The following PKM variants were observed in gnomAD, a reference collection of about 807,000 sequenced individuals.
PKM encodes pyruvate kinase PKM.
A neutral mutation model predicts 49.8 loss-of-function variants in PKM; 18 were observed. The ratio of observed to expected loss-of-function variants is 0.36; its 90% CI spans 0.25 to 0.54. The LOEUF is 0.54. Among genes scored for constraint, PKM ranks in the 20% least tolerant of loss-of-function variants. The pLI, the probability that PKM is intolerant of heterozygous loss-of-function variation, is 0.89. For synonymous variants in PKM, 239 were observed against 261.8 expected (o/e 0.91, Z 0.84); for missense variants, 508 against 713.8 (o/e 0.71, Z 3.28).
At chr15:72,220,102 A>T (rs2082483652) in intron 1 of PKM, among the ~76,000 whole-genome samples, 1 of 152,220 alleles carries the variant, frequency 6.6e-6, no homozygotes, top group Non-Finnish European at 1.5e-5. Context: ...CTATCAGGTA[A>T]GGATGTGAAC....
At chr15:72,230,720 G>A (rs1203607417) in intron 1 of PKM, among the ~76,000 whole-genome samples, 2 of 152,144 alleles carry the variant, frequency 1.3e-5, no homozygotes, top group South Asian at 2.1e-4. Flanking sequence ...AGGAGGAAGA[G>A]GGGAAAACGA....
chr15:72,199,216 C>A lies in PKM; in HGVS notation c.*434G>T, dbSNP rs2081866791. 1 of 359,956 alleles carries A rather than the reference C, an allele frequency of 2.8e-6. No individual in the cohort carries two copies. The highest frequency in any genetic ancestry group is 5.5e-6 in the Non-Finnish European group (1 of 183,006). 22.3% of individuals were successfully genotyped at this position (359,956 alleles called of 1,614,324 possible). A position where few individuals can be genotyped will look rare whatever the true frequency, so the allele number is the denominator to read the frequency against. ...CTAGAGAAGCAAGTAAGGGCCAGGGCCAGAGTCGGCTTCAATGGAACAACA... is the reference window on the plus strand; with the variant it reads ...CTAGAGAAGCAAGTAAGGGCCAGGGACAGAGTCGGCTTCAATGGAACAACA... On this transcript the variant is annotated 3_prime_UTR_variant, in exon 11 of 11. Transcript: ENST00000335181.
chr15:72,202,681 T>A lies in PKM; in HGVS notation c.1141-61A>T. 6.8e-7 allele frequency: 1 copy of A among 1,464,362 alleles called. No individual in the cohort carries two copies. The highest frequency in any genetic ancestry group is 9.4e-7 in the Non-Finnish European group (1 of 1,058,368). The allele number at this position is 1,464,362 out of a possible 1,614,324, so 90.7% of individuals were successfully genotyped here. ...GGGACAGAGCTTTGTCAGAGCTTTG[T>A]CACAAAAGGAGAGGGAGGGGAAGAG... On this transcript the variant is annotated intron_variant, in intron 8 of 10. Coordinates refer to ENST00000335181, the MANE Select transcript of PKM (RefSeq NM_002654.6). The surrounding 1 kb of genome is among the most constrained non-coding windows in gnomAD (Gnocchi z 4.5).
At chr15:72,204,560 T>G (rs2082025551) in intron 8 of PKM, 1 of 152,166 alleles carries the variant, frequency 6.6e-6, no homozygotes, top group Non-Finnish European at 1.5e-5. Context: ...AGACCTAGAT[T>G]CAAACCCAGG....
intron 7 of PKM, 36 bp from the exon 8 acceptor site, chr15:72,206,916 G>A (rs1365623236): frequency 6.2e-7 from 1 of 1,611,766 alleles, no homozygotes; most frequent in South Asian, 1.1e-5. Flanking sequence ...GATGTAGCTT[G>A]AGCTGTCTTC....
At chr15:72,225,323 C>A (rs1313761986) in intron 1 of PKM, among the ~76,000 whole-genome samples, 1 of 145,402 alleles carries the variant, frequency 6.9e-6, no homozygotes, top group Non-Finnish European at 1.5e-5. Flanking sequence ...ACCCTTTCCA[C>A]CTCCATCTTA....
chr15:72,221,014 G>A (rs2082507238), intron 1 of PKM, among the ~76,000 whole-genome samples: 1 of 152,226 alleles, frequency 6.6e-6, no homozygotes, highest in African/African-American at 2.4e-5. Context: ...CTACAATCTA[G>A]GGACTGTATT....
At position 72,199,638 on chromosome 15, in the gene PKM, C is replaced by T. The variant is rs759054927; in HGVS notation, c.*12G>A. The T allele has an allele frequency of 1.3e-6, 2 of 1,594,944 alleles. No individual in the cohort carries two copies. Among genetic ancestry groups the T allele is most frequent in the Non-Finnish European group, 1.7e-6 (2 of 1,163,232 alleles). On this transcript the variant is annotated 3_prime_UTR_variant, in exon 11 of 11. Coordinates refer to ENST00000335181, the MANE Select transcript of PKM (RefSeq NM_002654.6). The stretch of plus-strand genomic sequence containing the variant: ...GGTGGGACAGGGGCTGGAGGAGGGG[C>T]TCTGGGGTCCATCACGGCACAGGAA...
intron 1 of PKM, 86 bp downstream of exon 1, chr15:72,231,030 G>A (rs1567139860): frequency 8.7e-7 from 1 of 1,150,720 alleles, no homozygotes. Context: ...TGCGTGCCCG[G>A]GGCCGGCCGG....
chr15:72,223,672 C>G (rs549893815), intron 1 of PKM, among the ~76,000 whole-genome samples: 2 of 152,144 alleles, frequency 1.3e-5, no homozygotes, highest in Admixed American at 1.3e-4. Flanking sequence ...GGTGACGGGC[C>G]AGCAGAACCT....
At chr15:72,218,557 C>A (rs1476752717) in intron 2 of PKM, among the ~76,000 whole-genome samples, 1 of 151,370 alleles carries the variant, frequency 6.6e-6, no homozygotes, top group East Asian at 1.9e-4. Context: ...GTAGCCAGAA[C>A]TACAGGTGCA....
intron 6 of PKM, among the ~76,000 whole-genome samples, 164 bp from the exon 7 acceptor site, chr15:72,207,441 T>C (rs952941160): frequency 9.9e-5 from 15 of 152,178 alleles, no homozygotes; most frequent in South Asian, 4.1e-4. Flanking sequence ...GCAGTCCAGC[T>C]ACCTTAGGCC....
chr15:72,231,183 T>C lies in PKM; in HGVS notation c.-81A>G, dbSNP rs2082859465. ...GATCCGGAGCCACGGCGCGTGCAGC[T>C]GCTGTGCAAGGAGCCACTGCCTCAG... On this transcript the variant is annotated 5_prime_UTR_variant, in exon 1 of 11. Transcript: ENST00000335181. 3.5e-6 allele frequency: 1 copy of C among 286,470 alleles called. No homozygotes were observed. Among genetic ancestry groups the C allele is most frequent in the Non-Finnish European group, 7.3e-6 (1 of 136,544 alleles). 17.7% of individuals were successfully genotyped at this position (286,470 alleles called of 1,614,324 possible). A position where few individuals can be genotyped will look rare whatever the true frequency, so the allele number is the denominator to read the frequency against.
chr15:72,209,071 T>C, intron 5 of PKM, 180 bp from the exon 6 acceptor site: 3 of 669,310 alleles, frequency 4.5e-6, no homozygotes, highest in South Asian at 1.7e-5. Flanking sequence ...TTAACCTCTC[T>C]GTACCTCACT....
intron 8 of PKM, chr15:72,203,448 G>A (rs2081996996): frequency 1.9e-6 from 1 of 516,718 alleles, no homozygotes; most frequent in African/African-American, 1.9e-5. Flanking sequence ...GGGGGTGGAG[G>A]GAGACAATCT....
chr15:72,203,999 T>C (rs775545996), intron 8 of PKM: 1 of 152,338 alleles, frequency 6.6e-6, no homozygotes, highest in South Asian at 2.1e-4. Flanking sequence ...ATCACCAGCA[T>C]CTCAGTAAAT....
At chr15:72,218,858 T>G in intron 2 of PKM, 86 bp downstream of exon 2, 1 of 1,382,160 alleles carries the variant, frequency 7.2e-7, no homozygotes, top group Admixed American at 1.8e-5. Context: ...CACCTAGGTT[T>G]GTTAGGACAT....
intron 1 of PKM, chr15:72,228,690 G>A (rs2140826849): frequency 2.5e-6 from 3 of 1,203,334 alleles, no homozygotes; most frequent in Non-Finnish European, 3.3e-6. Flanking sequence ...TTCCCCACAA[G>A]ACAGCCCACT....
In PKM at chr15:72,199,749, G is replaced by A; in HGVS notation, c.1497C>T (p.Ala499=). The A allele has an allele frequency of 6.2e-7, 1 of 1,612,756 alleles. No individual in the cohort carries two copies. The highest frequency in any genetic ancestry group is 8.5e-7 in the Non-Finnish European group (1 of 1,178,972). ...RVNFAMNVGK[A]RGFFKKGDVV... ...CATCTCCCTTCTTGAAGAAGCCTCG[G>A]GCCTTGCCTGGAGGAAGAGAAGGGA... The change falls in exon 11 of 11, where the codon GCC becomes GCT. Residue 499 remains alanine (A), a synonymous_variant. Coordinates refer to ENST00000335181, the MANE Select transcript of PKM (RefSeq NM_002654.6).
Sources: gnomAD v4.1 joint callset for allele counts (sites outside exome capture counted in the v4.1 genomes callset) on GRCh38, gnomAD v4.1.1 for gene constraint, Gnocchi (gnomAD v3.1) non-coding constraint, MANE v1.5 for transcripts, NCBI Gene and HGNC (gene_info 2026-07-23, HGNC 2026-07-21) for gene names.